KCNK9: variants seen among roughly 807,000 people sequenced by gnomAD.
KCNK9 encodes potassium channel subfamily K member 9.
KCNK9 carries 1 observed loss-of-function variant against 10.8 expected under a neutral mutation model. The ratio of observed to expected loss-of-function variants is 0.09; its 90% CI spans 0.03 to 0.44. The LOEUF (loss-of-function observed/expected upper bound fraction) is 0.44, where lower values mean the gene tolerates loss of function less well. Ranked by LOEUF, KCNK9 falls within the 20% of genes least tolerant of loss-of-function variation. The pLI, the probability that KCNK9 is intolerant of heterozygous loss-of-function variation, is 0.97. For missense variants in KCNK9, 303 were observed against 515.0 expected (o/e 0.59, Z 3.98); for synonymous variants, 231 against 222.7 (o/e 1.04, Z -0.33).
At chr8:139,620,967 AAG>A (rs1031481403) in intron 1 of KCNK9, among the ~76,000 whole-genome samples, 1 of 152,198 alleles carries the variant, frequency 6.6e-6, no homozygotes, top group African/African-American at 2.4e-5. Context: ...ATCAGACAAA[AAG>A]AAGAAATAAT....
chr8:139,662,044 C>G (rs1563740700), intron 1 of KCNK9, among the ~76,000 whole-genome samples: 1 of 152,210 alleles, frequency 6.6e-6, no homozygotes, highest in Non-Finnish European at 1.5e-5. Flanking sequence ...GAGGCAGACT[C>G]AAGGCCAGGC....
At position 139,618,455 on chromosome 8, in the gene KCNK9, G is replaced by A. The variant is rs753797613; in HGVS notation, c.928C>T (p.Arg310Cys). Reference sequence around the variant, plus strand: ...AAGGAGTTCTGCGGTGCCACCGAGCGGCCGCCATAGTCCTGCGAGCGGTAG... The same window carrying A: ...AAGGAGTTCTGCGGTGCCACCGAGCAGCCGCCATAGTCCTGCGAGCGGTAG... ...TCYRSQDYGG[R>C]SVAPQNSFSA... Residue 310 changes from arginine to cysteine, a missense_variant, in exon 2 of 2, where the codon CGC (arginine) becomes TGC (cysteine). Arg to Cys is a radical substitution (Grantham distance 180). This residue lies in a region of KCNK9 where 138 missense variants were observed against 161.1 expected (regional missense o/e 0.86). Transcript: ENST00000520439. This position sits in a 1 kb window ranked among gnomAD's most constrained non-coding sequence, Gnocchi z 7.9. The A allele has an allele frequency of 6.2e-7, 1 of 1,614,038 alleles. No individual in the cohort carries two copies. The highest frequency in any genetic ancestry group is 1.3e-5 in the African/African-American group (1 of 75,052).
intron 1 of KCNK9, among the ~76,000 whole-genome samples, chr8:139,634,568 G>A (rs1211377915): frequency 2.0e-5 from 3 of 152,136 alleles, no homozygotes; most frequent in Non-Finnish European, 4.4e-5. Flanking sequence ...TCTCCATGAG[G>A]GCAGGGCCAG....
At chr8:139,672,568 A>G (rs957079847) in intron 1 of KCNK9, among the ~76,000 whole-genome samples, 3 of 152,166 alleles carry the variant, frequency 2.0e-5, no homozygotes, top group Non-Finnish European at 4.4e-5. Flanking sequence ...CCAATACACA[A>G]TTCCCATGGC....
At chr8:139,608,681 C>T (rs1045129987), downstream of KCNK9, among the ~76,000 whole-genome samples, 24 of 152,280 alleles carry the variant, frequency 1.6e-4, no homozygotes, top group African/African-American at 4.1e-4. Context: ...TACTACACAA[C>T]GTACTGCACG....
At chr8:139,659,420 C>T (rs570932538) in intron 1 of KCNK9, among the ~76,000 whole-genome samples, 2 of 152,304 alleles carry the variant, frequency 1.3e-5, no homozygotes, top group South Asian at 4.1e-4. Flanking sequence ...TACTCCTCTC[C>T]CCCTATCCTC....
intron 1 of KCNK9, among the ~76,000 whole-genome samples, chr8:139,619,820 A>C (rs1414711363): frequency 6.6e-6 from 1 of 152,250 alleles, no homozygotes; most frequent in African/African-American, 2.4e-5. Flanking sequence ...CCACAAATGC[A>C]TACTTTTAAA....
chr8:139,646,828 T>G (rs936368508), intron 1 of KCNK9, among the ~76,000 whole-genome samples: 25 of 152,174 alleles, frequency 1.6e-4, no homozygotes, highest in African/African-American at 5.3e-4. Context: ...AGCAGAAACA[T>G]AGAGAGCACC....
chr8:139,609,238 G>GGCCCCCCCCCCCCCC (rs1814337521), downstream of KCNK9, among the ~76,000 whole-genome samples: 1 of 93,630 alleles, frequency 1.1e-5, no homozygotes, highest in African/African-American at 4.2e-5. Flanking sequence ...GGGGTGCTCT[G>GGCCCCCCCCCCCCCC]CCCCCCCACC....
intron 1 of KCNK9, among the ~76,000 whole-genome samples, chr8:139,627,352 G>A (rs1235864370): frequency 1.3e-5 from 2 of 152,146 alleles, no homozygotes; most frequent in Non-Finnish European, 2.9e-5. Flanking sequence ...ATCCAAGAAG[G>A]GAACAGTACT....
chr8:139,696,522 C>T (rs570394492), intron 1 of KCNK9, among the ~76,000 whole-genome samples: 1 of 152,276 alleles, frequency 6.6e-6, no homozygotes, highest in East Asian at 1.9e-4. Flanking sequence ...TGTGCCTGCT[C>T]ACCACCGTGT....
rs1455162694 is a variant in KCNK9, at chr8:139,618,483, G to A, written c.900C>T (p.Thr300=). Residue 300 remains threonine, a synonymous_variant, in exon 2 of 2, where the codon ACC becomes ACT. Transcript: ENST00000520439. The surrounding 1 kb of genome is among the most constrained non-coding windows in gnomAD (Gnocchi z 7.9). ...VPDLQSVCSC[T]CYRSQDYGGR... ...CGCCATAGTCCTGCGAGCGGTAGCA[G>A]GTGCAGGAGCACACAGACTGCAGGT... 1 of 1,613,900 alleles carries A rather than the reference G, an allele frequency of 6.2e-7. No individual in the cohort carries two copies. Among genetic ancestry groups the A allele is most frequent in the Non-Finnish European group, 8.5e-7 (1 of 1,180,036 alleles).
At chr8:139,607,626 AG>A (rs1814266841), downstream of KCNK9, among the ~76,000 whole-genome samples, 1 of 152,170 alleles carries the variant, frequency 6.6e-6, no homozygotes, top group South Asian at 2.1e-4. Flanking sequence ...ATCCATCAGA[AG>A]GATTAAAAGG....
At chr8:139,659,569 T>A (rs577295676) in intron 1 of KCNK9, among the ~76,000 whole-genome samples, 1 of 152,258 alleles carries the variant, frequency 6.6e-6, no homozygotes, top group South Asian at 2.1e-4. Flanking sequence ...TGGAGTGCAA[T>A]GGCACAATCT....
Position 139,663,272 on chromosome 8 carries a change from G to T in KCNK9, c.283+39438C>A, listed in dbSNP as rs1816210102. On this transcript the variant is annotated intron_variant, in intron 1 of 1. Coordinates refer to ENST00000520439, the MANE Select transcript of KCNK9 (RefSeq NM_001282534.2). Reference sequence around the variant, plus strand: ...CCAGGCCACCCAGCATCAAAGCCTGGGAGCATCCAGGTCTGAAGACAAAAG... The same window carrying T: ...CCAGGCCACCCAGCATCAAAGCCTGTGAGCATCCAGGTCTGAAGACAAAAG... Among the ~76,000 whole-genome samples, 3 of 152,058 alleles carry T rather than the reference G, an allele frequency of 2.0e-5. No homozygotes were observed. In the South Asian group the frequency reaches 6.3e-4, roughly 32 times the overall value.
At chr8:139,602,790 T>G (rs1278560916) in intron 2 of KCNK9, among the ~76,000 whole-genome samples, 2 of 152,202 alleles carry the variant, frequency 1.3e-5, no homozygotes, top group Non-Finnish European at 2.9e-5. Context: ...GAGAAGGAGC[T>G]CAATTGAAAA....
intron 1 of KCNK9, among the ~76,000 whole-genome samples, chr8:139,646,417 T>C (rs1001684264): frequency 2.0e-5 from 3 of 152,220 alleles, no homozygotes; most frequent in African/African-American, 4.8e-5. Context: ...TGAACATTGA[T>C]AAATAAGCAG....
chr8:139,684,013 C>A (rs1312275551), intron 1 of KCNK9, among the ~76,000 whole-genome samples: 1 of 152,200 alleles, frequency 6.6e-6, no homozygotes, highest in African/African-American at 2.4e-5. Context: ...ATGTGATAAA[C>A]CCAAGTACAA....
In KCNK9 at chr8:139,702,645, G is replaced by C. The variant is rs1817256974; in HGVS notation, c.283+65C>G. 2.0e-6 allele frequency: 3 copies of C among 1,508,768 alleles called. No individual in the cohort carries two copies. Among genetic ancestry groups the C allele is most frequent in the Non-Finnish European group, 2.7e-6 (3 of 1,126,452 alleles). 93.5% of individuals were successfully genotyped at this position (1,508,768 alleles called of 1,614,324 possible). ...CGCCCTGCACCCAGCCCGGCGCGGCGCGCTCAGCCGCCTCCCCGGACTCCT... is the reference window on the plus strand; with the variant it reads ...CGCCCTGCACCCAGCCCGGCGCGGCCCGCTCAGCCGCCTCCCCGGACTCCT... On this transcript the variant is annotated intron_variant, in intron 1 of 1. Coordinates refer to ENST00000520439, the MANE Select transcript of KCNK9 (RefSeq NM_001282534.2). The surrounding 1 kb of genome is among the most constrained non-coding windows in gnomAD (Gnocchi z 7.5).
Sources: allele counts gnomAD v4.1 joint callset (sites outside exome capture counted in the v4.1 genomes callset), GRCh38; gene constraint gnomAD v4.1.1; regional missense constraint gnomAD v4.1.1; non-coding constraint Gnocchi (gnomAD v3.1); transcripts MANE v1.5; gene names NCBI Gene and HGNC (gene_info 2026-07-23, HGNC 2026-07-21).